Variants in ZNF138 observed in about 807,000 individuals in gnomAD.
ZNF138 encodes the protein zinc finger protein 138, also known as zinc finger protein 138 (clone pHZ-32).
A neutral mutation model predicts 33.0 loss-of-function variants in ZNF138; 33 were observed. The ratio of observed to expected loss-of-function variants is 1.00; its 90% CI spans 0.76 to 1.34. ZNF138 has a LOEUF of 1.34. Among genes scored for constraint, ZNF138 ranks in the 40% most tolerant of loss-of-function variants. The probability of loss-of-function intolerance (pLI) is 0.00; values close to 1 mark genes in which losing one functional copy is unlikely to be tolerated. For missense variants in ZNF138, 360 were observed against 370.8 expected (o/e 0.97, Z 0.24); for synonymous variants, 139 against 120.4 (o/e 1.15, Z -1.01).
chr7:64,839,345 C>T, the ZNF138 span, among the ~76,000 whole-genome samples: 2 of 152,186 alleles, frequency 1.3e-5, no homozygotes, highest in East Asian at 3.9e-4. Flanking sequence ...GGGTGGACCC[C>T]ATCCTCTTCC....
intron 1 of ZNF138, among the ~76,000 whole-genome samples, chr7:64,813,586 A>C (rs888415531): frequency 2.1e-4 from 32 of 152,036 alleles, no homozygotes; most frequent in African/African-American, 2.4e-5. Context: ...GGTGCCCGCC[A>C]CCACGCCCGG....
intron 1 of ZNF138, among the ~76,000 whole-genome samples, chr7:64,798,950 A>G (rs552999812): frequency 6.7e-6 from 1 of 148,844 alleles, no homozygotes; most frequent in South Asian, 2.1e-4. Context: ...CTTTGGTTAC[A>G]GCCTTATAGA....
intron 1 of ZNF138, among the ~76,000 whole-genome samples, chr7:64,798,652 G>C (rs1387402247): frequency 6.6e-6 from 1 of 152,072 alleles, no homozygotes; most frequent in Non-Finnish European, 1.5e-5. Context: ...GGTGGCCCAT[G>C]CCTGTAATCC....
At chr7:64,830,115 C>T (rs1479814105) in intron 3 of ZNF138, among the ~76,000 whole-genome samples, 1 of 151,984 alleles carries the variant, frequency 6.6e-6, no homozygotes, top group Non-Finnish European at 1.5e-5. Context: ...GCAAAACTTT[C>T]ATGAAAAATT....
chr7:64,820,401 GTA>G (rs1278215609), intron 3 of ZNF138, among the ~76,000 whole-genome samples: 2 of 151,622 alleles, frequency 1.3e-5, no homozygotes, highest in African/African-American at 4.9e-5. Context: ...TCCATTTTGT[GTA>G]TATGTTACAT....
intron 3 of ZNF138, among the ~76,000 whole-genome samples, chr7:64,819,469 G>A (rs1788937640): frequency 6.6e-6 from 1 of 151,758 alleles, no homozygotes; most frequent in South Asian, 2.1e-4. Flanking sequence ...TTAGGCTCAA[G>A]TGATTCTCCT....
intron 1 of ZNF138, among the ~76,000 whole-genome samples, chr7:64,810,143 G>A (rs1447112346): frequency 9.6e-4 from 100 of 103,718 alleles, no homozygotes; most frequent in Non-Finnish European, 1.6e-3. Context: ...CCCAGATCAC[G>A]CCACTGCACT....
At chr7:64,816,352 T>A (rs1788633657) in intron 3 of ZNF138, among the ~76,000 whole-genome samples, 1 of 152,040 alleles carries the variant, frequency 6.6e-6, no homozygotes, top group South Asian at 2.1e-4. Flanking sequence ...ATTTTTAAAT[T>A]TATTTGTATC....
At chr7:64,834,944 CAA>C (rs1008831031), downstream of ZNF138, among the ~76,000 whole-genome samples, 6 of 152,164 alleles carry the variant, frequency 3.9e-5, no homozygotes, top group African/African-American at 1.2e-4. Context: ...AGAGGCGAGA[CAA>C]AGAGGGCAAA....
At chr7:64,814,123 T>C in intron 1 of ZNF138, 1 of 1,221,736 alleles carries the variant, frequency 8.2e-7, no homozygotes, top group Non-Finnish European at 1.0e-6. Flanking sequence ...ATATTCTTCT[T>C]GAGCCAAAAA....
At position 64,794,444 on chromosome 7, in the gene ZNF138, TGCTGCA is replaced by T; in HGVS notation, c.-123_-118del. 1 of 1,247,678 alleles carries T rather than the reference TGCTGCA, an allele frequency of 8.0e-7. No homozygotes were observed. Among genetic ancestry groups the T allele is most frequent in the South Asian group, 1.4e-5 (1 of 74,046 alleles). 77.3% of individuals were successfully genotyped at this position (1,247,678 alleles called of 1,614,324 possible). ...GGGGTCTTTGTCTCGCTGCAGCGGG[TGCTGCA>T]GGTCTGGCCTTCACTTTTCTGCGTC... On this transcript the variant is annotated 5_prime_UTR_variant, in exon 1 of 4. Coordinates refer to ENST00000307355, the MANE Select transcript of ZNF138 (RefSeq NM_001271639.2).
At chr7:64,849,379 G>C in the ZNF138 span, among the ~76,000 whole-genome samples, 57 of 152,272 alleles carry the variant, frequency 3.7e-4, no homozygotes, top group East Asian at 0.011. Flanking sequence ...AAGGTCCTTA[G>C]TTTTGGTTGT....
intron 2 of ZNF138, 150 bp from the exon 3 acceptor site, chr7:64,815,426 T>C (rs1422300625): frequency 5.7e-6 from 3 of 529,804 alleles, no homozygotes; most frequent in Admixed American, 8.0e-5. Flanking sequence ...TAGAATTTTC[T>C]GTTATATATT....
the ZNF138 span, among the ~76,000 whole-genome samples, chr7:64,843,504 T>C: frequency 6.6e-6 from 1 of 152,210 alleles, no homozygotes; most frequent in Non-Finnish European, 1.5e-5. Flanking sequence ...AATAAGTTGA[T>C]ATAGTTTTTT....
intron 3 of ZNF138, among the ~76,000 whole-genome samples, chr7:64,826,130 GTTTAATTTATA>G (rs1789592558): frequency 1.3e-5 from 2 of 151,924 alleles, no homozygotes; most frequent in Non-Finnish European, 2.9e-5. Context: ...CTATTGAATA[GTTTAATTTATA>G]TTTAAATTGA....
chr7:64,832,182 A>C lies in ZNF138; in HGVS notation c.940A>C (p.Lys314Gln). The C allele has an allele frequency of 6.2e-7, 1 of 1,608,766 alleles. No individual in the cohort carries two copies. The highest frequency in any genetic ancestry group is 2.2e-5 in the East Asian group (1 of 44,844). The change falls in exon 4 of 4, where the codon AAA becomes CAA. Residue 314 changes from lysine (K) to glutamine (Q), a missense_variant. Physicochemically the swap from Lys to Gln is moderately conservative, Grantham distance 53 (BLOSUM62 1). Transcript: ENST00000307355. ...EEPYKCEECGKAFNLS is the reference protein window; with the variant it reads ...EEPYKCEECGQAFNLS ...ACCATACAAATGTGAGGAATGTGGC[A>C]AAGCTTTTAACCTATCTTAACAACT...
At chr7:64,848,486 T>C in the ZNF138 span, among the ~76,000 whole-genome samples, 2 of 152,056 alleles carry the variant, frequency 1.3e-5, no homozygotes, top group East Asian at 3.9e-4. Flanking sequence ...GTGTACTTCA[T>C]TTTCTGAAGT....
the ZNF138 span, among the ~76,000 whole-genome samples, chr7:64,854,243 G>A: frequency 9.2e-3 from 1,404 of 152,176 alleles, 16 homozygotes; most frequent in African/African-American, 0.032. Flanking sequence ...ACATACATAT[G>A]TACTTCTTTT....
At position 64,827,103 on chromosome 7, in the gene ZNF138, A is replaced by AT. The variant is rs1200060385; in HGVS notation, c.209-4344dup. On this transcript the variant is annotated intron_variant, in intron 3 of 3. Transcript: ENST00000307355. ...CATCATTTTTCAGCATAAGGGACTC[A>AT]TTTTAGCATTTTTTTTTTTTAATAT... Among the ~76,000 whole-genome samples, 6 of 94,468 alleles carry AT rather than the reference A, an allele frequency of 6.4e-5. No homozygotes were observed. The East Asian group carries it at 2.5e-3, about 39-fold the overall frequency. 62.0% of individuals were successfully genotyped at this position (94,468 alleles called of 152,430 possible). A position where few individuals can be genotyped will look rare whatever the true frequency, so the allele number is the denominator to read the frequency against.
Sources: gnomAD v4.1 joint callset for allele counts (sites outside exome capture counted in the v4.1 genomes callset) on GRCh38, gnomAD v4.1.1 for gene constraint, MANE v1.5 for transcripts, NCBI Gene and HGNC (gene_info 2026-07-23, HGNC 2026-07-21) for gene names.